The following IL1RAPL2 variants were observed in gnomAD, a reference collection of about 807,000 sequenced individuals.
The protein encoded by IL1RAPL2 is interleukin 1 receptor accessory protein like 2.
Under a neutral mutation model 44.1 loss-of-function variants are expected in IL1RAPL2, and 3 were observed. That is an observed-to-expected ratio of 0.07 (90% CI 0.03 to 0.18). The LOEUF is 0.18. IL1RAPL2 is among the 10% of genes least tolerant of loss of function. The probability of loss-of-function intolerance (pLI) is 1.00; values close to 1 mark genes in which losing one functional copy is unlikely to be tolerated. For synonymous variants in IL1RAPL2, 181 were observed against 178.8 expected (o/e 1.01, Z -0.10); for missense variants, 391 against 496.4 (o/e 0.79, Z 2.02).
chrX:104,727,763 A>G (rs1931825277), intron 2 of IL1RAPL2, among the ~76,000 whole-genome samples: 1 of 110,652 alleles, frequency 9.0e-6, no homozygotes, highest in Admixed American at 9.6e-5. Context: ...ATAAAAATAA[A>G]TCATTTTGCA....
chrX:104,809,760 T>C (rs1932958644), intron 2 of IL1RAPL2, among the ~76,000 whole-genome samples: 1 of 111,710 alleles, frequency 9.0e-6, no homozygotes, highest in Admixed American at 9.5e-5. Context: ...ATTTTGTCTT[T>C]TGTTGCTATT....
At chrX:105,034,683 G>T (rs1402604120) in intron 2 of IL1RAPL2, among the ~76,000 whole-genome samples, 1 of 112,272 alleles carries the variant, frequency 8.9e-6, no homozygotes, top group Non-Finnish European at 1.9e-5. Context: ...GGCTACTCTG[G>T]GGTCAGGGAC....
chrX:105,551,106 T>C (rs2036850175), intron 6 of IL1RAPL2, among the ~76,000 whole-genome samples: 1 of 110,616 alleles, frequency 9.0e-6, no homozygotes, highest in Admixed American at 9.7e-5. Flanking sequence ...TAATAATTTT[T>C]CTCCTGATAC....
intron 5 of IL1RAPL2, among the ~76,000 whole-genome samples, chrX:105,374,811 G>A (rs969570475): frequency 1.1e-4 from 12 of 108,181 alleles, no homozygotes; most frequent in South Asian, 4.1e-4. Context: ...AGCCGGGCGC[G>A]GTGGTGGGCA....
chrX:105,504,719 A>G (rs1412689380), intron 6 of IL1RAPL2, among the ~76,000 whole-genome samples: 1 of 111,695 alleles, frequency 9.0e-6, no homozygotes, highest in African/African-American at 3.3e-5. Context: ...AGAGCAAAAT[A>G]GCTGACATGT....
rs1335397847 is a variant in IL1RAPL2, at chrX:104,906,348, A to T, written c.82+247353A>T. Among the ~76,000 whole-genome samples, 31 of 110,399 alleles carry T rather than the reference A, an allele frequency of 2.8e-4. 1 individual carries two copies. The East Asian group carries it at 5.7e-3, about 20-fold the overall frequency. The stretch of plus-strand genomic sequence containing the variant: ...CAGAACTTCCAACACTATGTTGAAT[A>T]GGAGTGGTGAGAGAGGGCATCCCTG... On this transcript the variant is annotated intron_variant, in intron 2 of 10. Transcript: ENST00000372582.
chrX:105,319,286 G>A (rs1049296823), intron 5 of IL1RAPL2, among the ~76,000 whole-genome samples: 1 of 111,773 alleles, frequency 8.9e-6, no homozygotes. Context: ...GGTCACCCAC[G>A]AAGCCCGTAG....
At chrX:105,143,807 G>A (rs893443411) in intron 2 of IL1RAPL2, among the ~76,000 whole-genome samples, 1 of 110,179 alleles carries the variant, frequency 9.1e-6, no homozygotes, top group African/African-American at 3.3e-5. Context: ...TATGGACACA[G>A]GAAGGGGAAA....
intron 2 of IL1RAPL2, among the ~76,000 whole-genome samples, chrX:104,867,221 A>G (rs1159244857): frequency 1.1e-5 from 1 of 90,253 alleles, no homozygotes; most frequent in Non-Finnish European, 2.2e-5. Context: ...TGGGCAAAAG[A>G]GCAAGTCTCT....
intron 2 of IL1RAPL2, among the ~76,000 whole-genome samples, chrX:105,139,070 T>C (rs2033102812): frequency 8.9e-6 from 1 of 111,812 alleles, no homozygotes; most frequent in Non-Finnish European, 1.9e-5. Flanking sequence ...ACGTTTACCA[T>C]ACATAAGGGG....
intron 2 of IL1RAPL2, among the ~76,000 whole-genome samples, chrX:104,762,464 CTG>C (rs1932479133): frequency 8.9e-6 from 1 of 112,102 alleles, no homozygotes; most frequent in African/African-American, 3.2e-5. Context: ...CATTGAGTGT[CTG>C]TGGCTTTTCC....
intron 1 of IL1RAPL2, among the ~76,000 whole-genome samples, chrX:104,655,086 G>A (rs1233875714): frequency 9.0e-6 from 1 of 111,340 alleles, no homozygotes; most frequent in African/African-American, 3.3e-5. Context: ...GAGATGATGG[G>A]GTTTTCTAAA....
intron 6 of IL1RAPL2, among the ~76,000 whole-genome samples, chrX:105,578,442 T>G (rs912782049): frequency 5.4e-5 from 6 of 111,300 alleles, no homozygotes; most frequent in African/African-American, 1.6e-4. Flanking sequence ...TTAAATCCCT[T>G]TAAATCACTG....
At chrX:104,670,358 A>C (rs1396500193) in intron 2 of IL1RAPL2, among the ~76,000 whole-genome samples, 1 of 111,525 alleles carries the variant, frequency 9.0e-6, no homozygotes, top group Non-Finnish European at 1.9e-5. Context: ...AAGCCAGCTT[A>C]TTCCACCTTC....
At chrX:104,609,282 A>G (rs1929091700) in intron 1 of IL1RAPL2, among the ~76,000 whole-genome samples, 1 of 111,721 alleles carries the variant, frequency 9.0e-6, no homozygotes, top group Admixed American at 9.5e-5. Flanking sequence ...GCTGCCCTTA[A>G]CATTTTTTTC....
At chrX:105,538,789 C>A (rs2036698505) in intron 6 of IL1RAPL2, among the ~76,000 whole-genome samples, 1 of 111,396 alleles carries the variant, frequency 9.0e-6, no homozygotes, top group African/African-American at 3.3e-5. Flanking sequence ...TCCCAGAAAA[C>A]CCTAAAGACT....
chrX:105,629,024 T>G (rs978476083), intron 6 of IL1RAPL2, among the ~76,000 whole-genome samples: 4 of 112,045 alleles, frequency 3.6e-5, no homozygotes, highest in Admixed American at 9.4e-5. Flanking sequence ...TCTGCATTGC[T>G]CTCAGTTTTC....
rs141540361 is a variant in IL1RAPL2 at position 105,238,999 on chromosome X, G to C, written c.543+4995G>C. Among the ~76,000 whole-genome samples the C allele has an allele frequency of 7.2e-5, 8 of 111,665 alleles. No homozygotes were observed. The East Asian group carries it at 2.3e-3, about 32-fold the overall frequency. Reference sequence around the variant, plus strand: ...ATGATTGTCAGGAGGATAATACCAAGAGTTTGGAGTATGCCCCTTACCTAG... The same window carrying C: ...ATGATTGTCAGGAGGATAATACCAACAGTTTGGAGTATGCCCCTTACCTAG... On this transcript the variant is annotated intron_variant, in intron 4 of 10. Coordinates refer to ENST00000372582, the MANE Select transcript of IL1RAPL2 (RefSeq NM_017416.2).
chrX:105,397,872 C>G (rs2035575428), intron 5 of IL1RAPL2, among the ~76,000 whole-genome samples: 1 of 110,848 alleles, frequency 9.0e-6, no homozygotes, highest in South Asian at 3.8e-4. Flanking sequence ...TTCTCTCCCC[C>G]ACTTACTCTT....
Sources: allele counts gnomAD v4.1 joint callset (sites outside exome capture counted in the v4.1 genomes callset), GRCh38; gene constraint gnomAD v4.1.1; transcripts MANE v1.5; gene names NCBI Gene and HGNC (gene_info 2026-07-23, HGNC 2026-07-21).